ZMYM2: variants seen among roughly 807,000 people sequenced by gnomAD.
ZMYM2 encodes the protein zinc finger MYM-type containing 2.
ZMYM2 carries 56 observed loss-of-function variants against 162.8 expected under a neutral mutation model. That is an observed-to-expected ratio of 0.34 (90% CI 0.28 to 0.43). ZMYM2 has a LOEUF of 0.43. Among genes scored for constraint, ZMYM2 ranks in the 20% least tolerant of loss-of-function variants. The pLI, the probability that ZMYM2 is intolerant of heterozygous loss-of-function variation, is 1.00. For synonymous variants in ZMYM2, 510 were observed against 541.6 expected, an observed-to-expected ratio of 0.94 and a Z score of 0.81; for missense variants, 1,275 against 1,621.8, an observed-to-expected ratio of 0.79 and a Z score of 3.67.
chr13:19,877,626 T>A, the ZMYM2 span, among the ~76,000 whole-genome samples: 1 of 152,216 alleles, frequency 6.6e-6, no homozygotes, highest in Non-Finnish European at 1.5e-5. Flanking sequence ...CATAGCATTA[T>A]GTAAGTGGAA....
the ZMYM2 span, among the ~76,000 whole-genome samples, chr13:19,909,953 C>G: frequency 2.0e-5 from 3 of 151,772 alleles, no homozygotes; most frequent in Middle Eastern, 6.8e-3. Flanking sequence ...TGGTGGCTCA[C>G]GCCTGTAATC....
the ZMYM2 span, among the ~76,000 whole-genome samples, chr13:19,935,750 GTTCTC>G: frequency 6.6e-6 from 1 of 151,954 alleles, no homozygotes; most frequent in Non-Finnish European, 1.5e-5. Context: ...GGTTCAAACA[GTTCTC>G]CTGCCTTTTC....
chr13:19,947,688 A>AGGCTAGGCTG, the ZMYM2 span, among the ~76,000 whole-genome samples: 1 of 133,960 alleles, frequency 7.5e-6, no homozygotes, highest in Non-Finnish European at 1.7e-5. Flanking sequence ...AGGCTAGGCT[A>AGGCTAGGCTG]GTCTCGAATT....
At chr13:20,046,515 C>G (rs1954792578) in intron 12 of ZMYM2, among the ~76,000 whole-genome samples, 1 of 149,188 alleles carries the variant, frequency 6.7e-6, no homozygotes, top group African/African-American at 2.5e-5. Flanking sequence ...GATCACACCA[C>G]TGCACTCTGG....
chr13:19,884,685 G>A, the ZMYM2 span, among the ~76,000 whole-genome samples: 10 of 151,984 alleles, frequency 6.6e-5, no homozygotes, highest in East Asian at 1.9e-4. Context: ...TAGCACGTCC[G>A]GACTTCGTTC....
At chr13:19,965,518 A>G (rs1336634223) in intron 2 of ZMYM2, among the ~76,000 whole-genome samples, 1 of 152,224 alleles carries the variant, frequency 6.6e-6, no homozygotes, top group Non-Finnish European at 1.5e-5. Context: ...GATAGTCATA[A>G]AATATGTGTT....
Position 20,003,118 on chromosome 13 carries a change from C to G in ZMYM2, c.1116C>G (p.Leu372=). Reference sequence around the variant, plus strand: ...CCCACAAGCCTGCTCCAAAGAAACTCTGTGTTATGTGTAAAAAGTAAGGTT... The same window carrying G: ...CCCACAAGCCTGCTCCAAAGAAACTGTGTGTTATGTGTAAAAAGTAAGGTT... ...SFSHKPAPKK[L]CVMCKKDITT... is the part of the protein sequence containing the mutation. The change falls in exon 4 of 25, where the codon CTC becomes CTG. Residue 372 remains leucine, a synonymous_variant. Coordinates refer to ENST00000610343, the MANE Select transcript of ZMYM2 (RefSeq NM_197968.4). The G allele has an allele frequency of 6.2e-7, 1 of 1,614,048 alleles. No individual in the cohort carries two copies. Among genetic ancestry groups the G allele is most frequent in the Non-Finnish European group, 8.5e-7 (1 of 1,179,954 alleles).
At chr13:19,880,389 A>T in the ZMYM2 span, among the ~76,000 whole-genome samples, 3 of 151,900 alleles carry the variant, frequency 2.0e-5, no homozygotes, top group Admixed American at 1.3e-4. Context: ...TCGTTAATTT[A>T]ATTCCTATAT....
chr13:19,997,487 C>A (rs1020942534), intron 3 of ZMYM2, among the ~76,000 whole-genome samples: 5 of 152,086 alleles, frequency 3.3e-5, no homozygotes, highest in African/African-American at 1.2e-4. Context: ...ACTTCTAAAA[C>A]TCCTTGTAGG....
chr13:19,941,720 C>CT, the ZMYM2 span, among the ~76,000 whole-genome samples: 14,526 of 63,000 alleles, frequency 0.23, 1,779 homozygotes, highest in South Asian at 0.33. Flanking sequence ...TGGCTTTCTG[C>CT]TTTTTTTTTT....
the ZMYM2 span, among the ~76,000 whole-genome samples, chr13:19,936,719 T>A: frequency 6.6e-6 from 1 of 151,472 alleles, no homozygotes; most frequent in South Asian, 2.1e-4. Context: ...AAACTATGTC[T>A]CAAAAATAAA....
chr13:19,891,610 CAAA>C, the ZMYM2 span, among the ~76,000 whole-genome samples: 1 of 71,266 alleles, frequency 1.4e-5, no homozygotes, highest in Non-Finnish European at 3.0e-5. Flanking sequence ...ATCACCTTTA[CAAA>C]AAAAAAAAAA....
intron 4 of ZMYM2, among the ~76,000 whole-genome samples, chr13:20,003,939 A>G (rs1950564414): frequency 6.6e-6 from 1 of 151,900 alleles, no homozygotes; most frequent in Non-Finnish European, 1.5e-5. Flanking sequence ...GTGAGCCACC[A>G]TGCCCAGCCC....
At chr13:20,052,362 T>TA in intron 14 of ZMYM2, 51 bp downstream of exon 14, 4 of 1,500,620 alleles carry the variant, frequency 2.7e-6, no homozygotes, top group Non-Finnish European at 3.6e-6. Flanking sequence ...TAATATGGGG[T>TA]AAAAAATAAT....
At chr13:19,886,901 A>G in the ZMYM2 span, among the ~76,000 whole-genome samples, 1 of 151,354 alleles carries the variant, frequency 6.6e-6, no homozygotes, top group African/African-American at 2.4e-5. Context: ...GCCTCATGTG[A>G]TGTGCCCGCC....
At chr13:19,984,154 G>GT (rs1429202076) in intron 2 of ZMYM2, among the ~76,000 whole-genome samples, 2 of 152,078 alleles carry the variant, frequency 1.3e-5, no homozygotes, top group Non-Finnish European at 2.9e-5. Context: ...TTGTGATTTT[G>GT]TTTTTTGAAG....
chr13:19,924,380 C>T, the ZMYM2 span, among the ~76,000 whole-genome samples: 1 of 151,878 alleles, frequency 6.6e-6, no homozygotes, highest in Non-Finnish European at 1.5e-5. Flanking sequence ...TGTGGGGCAA[C>T]ATAGTGAGAC....
At chr13:19,916,009 G>A in the ZMYM2 span, among the ~76,000 whole-genome samples, 6 of 151,648 alleles carry the variant, frequency 4.0e-5, no homozygotes, top group South Asian at 2.1e-4. Context: ...ACAGGGGCCC[G>A]CCACCACACC....
the ZMYM2 span, among the ~76,000 whole-genome samples, chr13:19,928,660 G>C: frequency 6.6e-6 from 1 of 152,054 alleles, no homozygotes; most frequent in African/African-American, 2.4e-5. Context: ...AGCTGGGCAT[G>C]GTGGCACATG....
Sources: allele counts gnomAD v4.1 joint callset (sites outside exome capture counted in the v4.1 genomes callset), GRCh38; gene constraint gnomAD v4.1.1; transcripts MANE v1.5; gene names NCBI Gene and HGNC (gene_info 2026-07-23, HGNC 2026-07-21).